ANO6: variants seen among roughly 807,000 people sequenced by gnomAD.
ANO6 encodes anoctamin-6.
A neutral mutation model predicts 117.5 loss-of-function variants in ANO6; 106 were observed. The observed-to-expected ratio is 0.90, with a 90% confidence interval of 0.77 to 1.06. The LOEUF (loss-of-function observed/expected upper bound fraction) is 1.06. ANO6 is among the 50% of genes least tolerant of loss of function. The probability of loss-of-function intolerance (pLI) is 0.00; values close to 1 mark genes in which losing one functional copy is unlikely to be tolerated. For synonymous variants in ANO6, 367 were observed against 385.1 expected (o/e 0.95, Z 0.55); for missense variants, 955 against 1,121.1 (o/e 0.85, Z 2.12).
At chr12:45,305,013 C>T (rs990457443) in intron 2 of ANO6, among the ~76,000 whole-genome samples, 1 of 152,226 alleles carries the variant, frequency 6.6e-6, no homozygotes, top group Non-Finnish European at 1.5e-5. Context: ...TACATGTCAC[C>T]TGCATATCTG....
chr12:45,336,986 G>A (rs1321748905), intron 3 of ANO6, among the ~76,000 whole-genome samples: 3 of 152,010 alleles, frequency 2.0e-5, no homozygotes, highest in Non-Finnish European at 4.4e-5. Flanking sequence ...CCTAGCTAAT[G>A]TGTGTATTTG....
At chr12:45,282,491 C>T (rs1487512310) in intron 1 of ANO6, among the ~76,000 whole-genome samples, 6 of 152,072 alleles carry the variant, frequency 3.9e-5, no homozygotes, top group Non-Finnish European at 8.8e-5. Flanking sequence ...CAAAAGAAGT[C>T]GTGGCCAGCC....
chr12:45,435,885 A>C (rs939389747), downstream of ANO6, among the ~76,000 whole-genome samples: 1 of 152,208 alleles, frequency 6.6e-6, no homozygotes, highest in African/African-American at 2.4e-5. Context: ...TTAGCAAGTT[A>C]AGAAACTGAA....
exon 20 of ANO6, chr12:45,440,022 T>C (rs1943753329): frequency 3.0e-6 from 4 of 1,314,350 alleles, no homozygotes; most frequent in Non-Finnish European, 3.9e-6. Context: ...TAGAGTAGCA[T>C]TGTTTGGCTC....
At chr12:45,242,693 T>TCGGCC (rs1947765174) in intron 1 of ANO6, among the ~76,000 whole-genome samples, 1 of 152,236 alleles carries the variant, frequency 6.6e-6, no homozygotes, top group African/African-American at 2.4e-5. Context: ...CTGTTCCTAT[T>TCGGCC]CGGCCGTCTT....
At chr12:45,354,436 C>T (rs999052469) in intron 7 of ANO6, among the ~76,000 whole-genome samples, 5 of 151,954 alleles carry the variant, frequency 3.3e-5, no homozygotes, top group South Asian at 2.1e-4. Context: ...GGAGGAGGTG[C>T]TCCACCAAGA....
rs1485064221 is a variant in ANO6 at position 45,424,689 on chromosome 12, G to A, written c.2526+1627G>A. Among the ~76,000 whole-genome samples the A allele has an allele frequency of 7.2e-5, 11 of 152,066 alleles. No homozygotes were observed. In the East Asian group the frequency reaches 2.1e-3, roughly 29 times the overall value. On this transcript the variant is annotated intron_variant, in intron 19 of 19. Transcript: ENST00000320560. ...AGCAATAAGCACTCTTGTAGTGCTGGAGGTCTCAAAGAGCAAGCTGGTACC... is the reference window on the plus strand; with the variant it reads ...AGCAATAAGCACTCTTGTAGTGCTGAAGGTCTCAAAGAGCAAGCTGGTACC...
In ANO6 at chr12:45,431,386, T is replaced by G; in HGVS notation, c.*2075T>G. The G allele has an allele frequency of 1.0e-6, 1 of 985,428 alleles. No individual in the cohort carries two copies. The highest frequency in any genetic ancestry group is 1.2e-6 in the Non-Finnish European group (1 of 829,936). 61.0% of individuals were successfully genotyped at this position (985,428 alleles called of 1,614,324 possible). On this transcript the variant is annotated 3_prime_UTR_variant, in exon 20 of 20. Coordinates refer to ENST00000320560, the MANE Select transcript of ANO6 (RefSeq NM_001025356.3). Reference sequence around the variant, plus strand: ...CCTAGTGTTTAAATTTGGCAGTTACTCGCCATGTATGTCAGCATAGAAAAG... The same window carrying G: ...CCTAGTGTTTAAATTTGGCAGTTACGCGCCATGTATGTCAGCATAGAAAAG...
chr12:45,435,474 T>C (rs567257856), downstream of ANO6, among the ~76,000 whole-genome samples: 14 of 152,304 alleles, frequency 9.2e-5, no homozygotes, highest in East Asian at 2.7e-3. Context: ...AGCCATGCTA[T>C]GCAAACTAAG....
chr12:45,243,784 A>G (rs967640010), intron 1 of ANO6, among the ~76,000 whole-genome samples: 3 of 152,150 alleles, frequency 2.0e-5, no homozygotes, highest in Non-Finnish European at 4.4e-5. Flanking sequence ...TCCTGACCTC[A>G]GGTGATCTGC....
intron 1 of ANO6, among the ~76,000 whole-genome samples, chr12:45,239,410 A>G (rs7138983): frequency 0.14 from 21,062 of 151,766 alleles, 2,002 homozygotes; most frequent in East Asian, 0.37. Context: ...TTTTTATTGC[A>G]TCTATTTGAT....
chr12:45,328,581 A>G (rs1373367784), intron 2 of ANO6, among the ~76,000 whole-genome samples: 1 of 152,168 alleles, frequency 6.6e-6, no homozygotes, highest in Non-Finnish European at 1.5e-5. Flanking sequence ...TCATAACTGC[A>G]TAGCATGTAA....
intron 9 of ANO6, among the ~76,000 whole-genome samples, chr12:45,377,475 C>T (rs1319993125): frequency 6.6e-6 from 1 of 152,000 alleles, no homozygotes; most frequent in Non-Finnish European, 1.5e-5. Context: ...TCCTTTATTC[C>T]AATAGAAGCA....
rs1942196845 is a variant in ANO6 at position 45,382,642 on chromosome 12, C to T, written c.1165+4529C>T. On this transcript the variant is annotated intron_variant, in intron 10 of 19. Transcript: ENST00000320560. ...GAGATACTGTGGGTAAGGTTCCAGA[C>T]CACCACAAGAAAGCGAGTATCACAG... Among the ~76,000 whole-genome samples the T allele has an allele frequency of 2.6e-5, 4 of 152,226 alleles. No homozygotes were observed. The South Asian group carries it at 6.2e-4, about 24-fold the overall frequency.
At chr12:45,381,145 A>G (rs1223012239) in intron 10 of ANO6, among the ~76,000 whole-genome samples, 4 of 152,212 alleles carry the variant, frequency 2.6e-5, no homozygotes, top group Admixed American at 2.0e-4. Flanking sequence ...AATGCAGGAT[A>G]TAACACCATA....
chr12:45,362,919 G>A (rs766444279), intron 8 of ANO6, among the ~76,000 whole-genome samples: 3 of 151,906 alleles, frequency 2.0e-5, no homozygotes, highest in Non-Finnish European at 4.4e-5. Context: ...TTTTAAATAA[G>A]ATAGAAGAAA....
intron 2 of ANO6, among the ~76,000 whole-genome samples, chr12:45,310,599 G>A (rs781755216): frequency 1.3e-5 from 2 of 152,076 alleles, no homozygotes; most frequent in Non-Finnish European, 2.9e-5. Context: ...GTTAGTGAAA[G>A]TGAACTTTAG....
chr12:45,347,034 G>GCC lies in ANO6; in HGVS notation c.293_294insCC (p.Tyr99HisfsTer13). 3 of 1,614,006 alleles carry GCC rather than the reference G, an allele frequency of 1.9e-6. No homozygotes were observed. Among genetic ancestry groups the GCC allele is most frequent in the Non-Finnish European group, 2.5e-6 (3 of 1,179,942 alleles). ...CTTCTTTTGACAGAGGAAAAGACAA[G>GCC]CATACGAATCTAACCTTATCTGTCA... is the stretch of plus-strand genomic sequence containing the variant. On this transcript the variant is annotated frameshift_variant, in exon 4 of 20. Transcript: ENST00000320560. LOFTEE classifies it high-confidence loss of function.
chr12:45,285,747 AG>A (rs1332579264), intron 1 of ANO6, among the ~76,000 whole-genome samples: 1 of 151,774 alleles, frequency 6.6e-6, no homozygotes, highest in Non-Finnish European at 1.5e-5. Flanking sequence ...AAAAAGAAAA[AG>A]AAAAAAAAAG....
Sources: gnomAD v4.1 joint callset for allele counts (sites outside exome capture counted in the v4.1 genomes callset) on GRCh38, gnomAD v4.1.1 for gene constraint, MANE v1.5 for transcripts, NCBI Gene and HGNC (gene_info 2026-07-23, HGNC 2026-07-21) for gene names.